Variants in RAP1GAP2 observed in about 807,000 individuals in gnomAD.
RAP1GAP2 encodes the protein RAP1 GTPase activating protein 2, also known as rap1 GTPase-activating protein 2.
Under a neutral mutation model 95.0 loss-of-function variants are expected in RAP1GAP2, and 27 were observed. The ratio of observed to expected loss-of-function variants is 0.28; its 90% CI spans 0.21 to 0.39. The LOEUF is 0.39. RAP1GAP2 is among the 10% of genes least tolerant of loss of function. RAP1GAP2 has a pLI of 1.00. For synonymous variants in RAP1GAP2, 373 were observed against 380.9 expected, an observed-to-expected ratio of 0.98 and a Z score of 0.24; for missense variants, 771 against 970.0, an observed-to-expected ratio of 0.79 and a Z score of 2.72.
At chr17:2,858,738 C>G (rs1006840968) in intron 2 of RAP1GAP2, among the ~76,000 whole-genome samples, 16 of 151,912 alleles carry the variant, frequency 1.1e-4, no homozygotes, top group Non-Finnish European at 1.8e-4. Context: ...TAGTGAGACT[C>G]ATCTCTACAA....
intron 2 of RAP1GAP2, among the ~76,000 whole-genome samples, chr17:2,815,381 G>A (rs1415892808): frequency 6.6e-6 from 1 of 151,986 alleles, no homozygotes; most frequent in Non-Finnish European, 1.5e-5. Context: ...GCTTAAATGA[G>A]ATTATCCAGG....
At chr17:2,924,214 GA>G (rs2042881378) in intron 3 of RAP1GAP2, among the ~76,000 whole-genome samples, 1 of 152,188 alleles carries the variant, frequency 6.6e-6, no homozygotes, top group Non-Finnish European at 1.5e-5. Context: ...GGAACTTTGA[GA>G]GTGCTCCTTT....
Position 3,034,877 on chromosome 17 carries a change from A to T in RAP1GAP2, c.*1516A>T. On this transcript the variant is annotated 3_prime_UTR_variant, in exon 25 of 25. Coordinates refer to ENST00000254695, the MANE Select transcript of RAP1GAP2 (RefSeq NM_015085.5). This position sits in a 1 kb window ranked among gnomAD's most constrained non-coding sequence, Gnocchi z 5.1. ...AGTGCAGACGGGGCTGCAGAGTGAC[A>T]CTGGCTGGGCACCTGCCCCACGACC... 1 of 152,152 alleles carries T rather than the reference A, an allele frequency of 6.6e-6. No individual in the cohort carries two copies. The highest frequency in any genetic ancestry group is 1.5e-5 in the Non-Finnish European group (1 of 68,088). 9.4% of individuals were successfully genotyped at this position (152,152 alleles called of 1,614,324 possible).
chr17:2,950,054 TC>T (rs1339072511), intron 3 of RAP1GAP2, among the ~76,000 whole-genome samples: 8 of 88,792 alleles, frequency 9.0e-5, no homozygotes, highest in Non-Finnish European at 1.5e-4. Context: ...TTCTTCTTCT[TC>T]TTCTTCTTTT....
At chr17:3,014,574 C>T (rs1425428761) in intron 17 of RAP1GAP2, among the ~76,000 whole-genome samples, 1 of 124,486 alleles carries the variant, frequency 8.0e-6, no homozygotes, top group African/African-American at 3.1e-5. Flanking sequence ...TTTTTTGAGA[C>T]AGTCTCGTTC....
chr17:2,922,896 G>A (rs1232866634), intron 3 of RAP1GAP2, among the ~76,000 whole-genome samples: 3 of 145,440 alleles, frequency 2.1e-5, no homozygotes, highest in African/African-American at 7.7e-5. Context: ...GCAATGGTGC[G>A]ACCTTGCACT....
chr17:2,823,302 C>T (rs988977828), intron 2 of RAP1GAP2, among the ~76,000 whole-genome samples: 17 of 152,130 alleles, frequency 1.1e-4, no homozygotes, highest in Admixed American at 2.0e-4. Flanking sequence ...TCTCCCACCC[C>T]GGGGCCTAAG....
chr17:3,025,960 G>A (rs375347868), intron 19 of RAP1GAP2, 48 bp from the exon 20 acceptor site: 39 of 1,397,806 alleles, frequency 2.8e-5, no homozygotes, highest in Admixed American at 5.3e-5. Flanking sequence ...ATGGGGTGGG[G>A]GTTGAGGGCT....
At chr17:2,959,870 C>T (rs1337619164) in intron 4 of RAP1GAP2, among the ~76,000 whole-genome samples, 1 of 152,098 alleles carries the variant, frequency 6.6e-6, no homozygotes, top group Non-Finnish European at 1.5e-5. Flanking sequence ...TCACACCTGT[C>T]ATCCCAGCAC....
At chr17:2,769,535 A>G (rs1253821013) in intron 1 of RAP1GAP2, among the ~76,000 whole-genome samples, 1 of 151,856 alleles carries the variant, frequency 6.6e-6, no homozygotes, top group East Asian at 1.9e-4. Flanking sequence ...AGCCTGGGTG[A>G]CAGAGCGAGA....
At chr17:2,925,093 G>A (rs1452993252) in intron 3 of RAP1GAP2, among the ~76,000 whole-genome samples, 2 of 152,238 alleles carry the variant, frequency 1.3e-5, no homozygotes, top group African/African-American at 4.8e-5. Flanking sequence ...TGGGCTGTGG[G>A]AGACAGGAGG....
intron 11 of RAP1GAP2, among the ~76,000 whole-genome samples, chr17:2,988,113 G>A (rs1260724649): frequency 1.3e-5 from 2 of 152,038 alleles, no homozygotes; most frequent in African/African-American, 4.8e-5. Context: ...GGGAGTCTAA[G>A]GCAGGAGAAT....
At chr17:2,778,679 G>A (rs895974604) in intron 1 of RAP1GAP2, among the ~76,000 whole-genome samples, 2 of 152,180 alleles carry the variant, frequency 1.3e-5, no homozygotes, top group Non-Finnish European at 2.9e-5. Flanking sequence ...AGACCTGGGC[G>A]TAAGTCCCAG....
intron 18 of RAP1GAP2, among the ~76,000 whole-genome samples, chr17:3,018,934 G>T (rs943399629): frequency 5.9e-5 from 9 of 152,096 alleles, no homozygotes; most frequent in Non-Finnish European, 1.0e-4. Flanking sequence ...GTGGTGGCGG[G>T]TGCCTGTAAT....
intron 8 of RAP1GAP2, among the ~76,000 whole-genome samples, chr17:2,974,185 C>A (rs79373699): frequency 4.9e-4 from 67 of 137,630 alleles, no homozygotes; most frequent in Non-Finnish European, 4.8e-4. Context: ...ACTAAAAATA[C>A]AAAAAAAAAA....
At chr17:2,900,667 C>G (rs1019440519) in intron 2 of RAP1GAP2, among the ~76,000 whole-genome samples, 2 of 152,144 alleles carry the variant, frequency 1.3e-5, no homozygotes, top group African/African-American at 4.8e-5. Flanking sequence ...GTCTCGAACT[C>G]CTGACCTCAG....
intron 2 of RAP1GAP2, among the ~76,000 whole-genome samples, chr17:2,854,521 T>A (rs2072045080): frequency 1.3e-5 from 2 of 152,254 alleles, no homozygotes; most frequent in Non-Finnish European, 2.9e-5. Flanking sequence ...GAGATCCGCT[T>A]GCTCTGCGCT....
At chr17:2,788,657 A>G (rs1325923105) in intron 1 of RAP1GAP2, among the ~76,000 whole-genome samples, 4 of 152,178 alleles carry the variant, frequency 2.6e-5, no homozygotes, top group Non-Finnish European at 4.4e-5. Flanking sequence ...TTTGCCGTCT[A>G]TTAGCTGGGG....
At chr17:2,872,155 A>C (rs961670733) in intron 2 of RAP1GAP2, among the ~76,000 whole-genome samples, 1 of 141,750 alleles carries the variant, frequency 7.1e-6, no homozygotes, top group African/African-American at 2.6e-5. Context: ...TGGAGGTTGC[A>C]GTAAGCTGAG....
Sources: allele counts gnomAD v4.1 joint callset (sites outside exome capture counted in the v4.1 genomes callset), GRCh38; gene constraint gnomAD v4.1.1; non-coding constraint Gnocchi (gnomAD v3.1); transcripts MANE v1.5; gene names NCBI Gene and HGNC (gene_info 2026-07-23, HGNC 2026-07-21).